ALS2: variants seen among roughly 807,000 people sequenced by gnomAD.
ALS2 encodes the protein alsin Rho guanine nucleotide exchange factor ALS2, also known as alsin.
Under a neutral mutation model 203.4 loss-of-function variants are expected in ALS2, and 117 were observed. That is an observed-to-expected ratio of 0.58 (90% CI 0.50 to 0.67). The LOEUF (loss-of-function observed/expected upper bound fraction) is 0.67. Among genes scored for constraint, ALS2 ranks in the 30% least tolerant of loss-of-function variants. The pLI, the probability that ALS2 is intolerant of heterozygous loss-of-function variation, is 0.00. For missense variants in ALS2, 1,715 were observed against 1,989.4 expected (o/e 0.86, Z 2.62); for synonymous variants, 718 against 725.9 (o/e 0.99, Z 0.17).
chr2:201,726,828 C>T lies in ALS2; in HGVS notation c.3018G>A (p.Gln1006=), dbSNP rs1574706478. The change falls in exon 18 of 34, where the codon CAG becomes CAA. Residue 1006 remains glutamine (Q), a synonymous_variant. Transcript: ENST00000264276. The stretch of plus-strand genomic sequence containing the variant: ...GGAGATCAGACATCCCTCTCAAAGC[C>T]TGATCTACGGCTTGGCTTATAGCTC... ...WLRAISQAVD[Q]ALRGMSDLPP... is the part of the protein sequence containing the mutation. The T allele has an allele frequency of 6.2e-7, 1 of 1,614,168 alleles. No homozygotes were observed. Among genetic ancestry groups the T allele is most frequent in the South Asian group, 1.1e-5 (1 of 91,088 alleles).
intron 7 of ALS2, among the ~76,000 whole-genome samples, chr2:201,752,851 G>A (rs1693149939): frequency 6.6e-6 from 1 of 152,042 alleles, no homozygotes; most frequent in Admixed American, 6.5e-5. Flanking sequence ...AAAATCTGGG[G>A]TTCTCTTTTT....
chr2:201,728,257 C>T (rs1691321618), intron 15 of ALS2, among the ~76,000 whole-genome samples: 1 of 152,148 alleles, frequency 6.6e-6, no homozygotes. Flanking sequence ...CCCCCGACCC[C>T]ACGACAGGCC....
chr2:201,729,893 A>C (rs1466451241), intron 13 of ALS2, among the ~76,000 whole-genome samples: 15 of 151,858 alleles, frequency 9.9e-5, no homozygotes, highest in South Asian at 4.2e-4. Flanking sequence ...AAAAAAAAAA[A>C]AAAAAAAAAA....
chr2:201,749,608 G>A, intron 8 of ALS2, 104 bp downstream of exon 8: 1 of 1,110,054 alleles, frequency 9.0e-7, no homozygotes, highest in Non-Finnish European at 1.4e-6. Context: ...AATTTAGGTT[G>A]TACGTATGAA....
intron 2 of ALS2, 147 bp downstream of exon 2, chr2:201,768,719 T>A (rs1694229329): frequency 1.4e-6 from 1 of 707,700 alleles, no homozygotes; most frequent in Non-Finnish European, 2.3e-6. Context: ...TAAAATTTTA[T>A]CTTTACCAAC....
Position 201,733,447 on chromosome 2 carries a change from A to C in ALS2, c.2418-9T>G. ...TTTTATTTAGGAAATCACTAGAGGC[A>C]GAGGAAAAAAAAATTTAGTTAATCA... On this transcript the variant is annotated splice_polypyrimidine_tract_variant and intron_variant, in intron 12 of 33. Transcript: ENST00000264276. 6.2e-7 allele frequency: 1 copy of C among 1,612,380 alleles called. No homozygotes were observed. Among genetic ancestry groups the C allele is most frequent in the Non-Finnish European group, 8.5e-7 (1 of 1,179,162 alleles).
intron 12 of ALS2, among the ~76,000 whole-genome samples, chr2:201,737,870 C>G (rs1344374081): frequency 6.6e-6 from 1 of 151,204 alleles, no homozygotes; most frequent in Non-Finnish European, 1.5e-5. Context: ...TGCAGTGAGC[C>G]AAGATTGCGC....
chr2:201,758,760 A>ATGTGTGTGTGTGTG lies in ALS2; in HGVS notation c.1114-1015_1114-1002dup, dbSNP rs775648737. ...ACAAATATAATGTGTGTGTGTGCGC[A>ATGTGTGTGTGTGTG]TGTGTGTGTGTGTGTGTGTGTGTGT... is the stretch of plus-strand genomic sequence containing the variant. On this transcript the variant is annotated intron_variant, in intron 4 of 33. Transcript: ENST00000264276. Among the ~76,000 whole-genome samples the ATGTGTGTGTGTGTG allele has an allele frequency of 1.9e-3, 289 of 150,724 alleles. 3 individuals carry two copies. The South Asian group carries it at 0.02, about 11-fold the overall frequency.
At position 201,705,477 on chromosome 2, in the gene ALS2, T is replaced by C. The variant is rs765259932; in HGVS notation, c.4581-16A>G. ...CCAAAATTTCCTATAATGGAATCCA[T>C]AAATTATTAATATAAGTTGTTACTT... On this transcript the variant is annotated splice_polypyrimidine_tract_variant and intron_variant, in intron 29 of 33. Transcript: ENST00000264276. The C allele has an allele frequency of 1.9e-5, 30 of 1,597,488 alleles. No homozygotes were observed. The highest frequency in any genetic ancestry group is 1.2e-4 in the South Asian group (11 of 90,640).
At chr2:201,752,525 G>C (rs1165487720) in intron 7 of ALS2, among the ~76,000 whole-genome samples, 1 of 151,884 alleles carries the variant, frequency 6.6e-6, no homozygotes, top group Admixed American at 6.6e-5. Flanking sequence ...GGCTAGCCTA[G>C]TATGTGAAAT....
At position 201,707,972 on chromosome 2, in the gene ALS2, G is replaced by A; in HGVS notation, c.4300C>T (p.Pro1434Ser). 6.2e-7 allele frequency: 1 copy of A among 1,612,860 alleles called. No homozygotes were observed. The highest frequency in any genetic ancestry group is 1.7e-5 in the Admixed American group (1 of 59,966). ...QLVRFLFPEL[P>S]EEGSTIPLSA... ...AGAGGAATTGTGCTGCCTTCTTCAG[G>A]CAGCTCAGGAAATAAGAACCTAAGG... is the stretch of plus-strand genomic sequence containing the variant. The change falls in exon 28 of 34, where the codon CCT (proline) becomes TCT (serine). Residue 1434 changes from proline to serine, a missense_variant. Pro to Ser is a moderately conservative substitution (Grantham distance 74). Around this residue, in one of 3 missense-constraint regions of ALS2, gnomAD observed 1,227 missense variants for 1,413.5 expected, o/e 0.87. Coordinates refer to ENST00000264276, the MANE Select transcript of ALS2 (RefSeq NM_020919.4).
intron 3 of ALS2, 55 bp from the exon 4 acceptor site, chr2:201,761,873 A>G: frequency 6.3e-7 from 1 of 1,576,618 alleles, no homozygotes; most frequent in South Asian, 1.1e-5. Flanking sequence ...AATTAACTAA[A>G]AATTTTAACA....
chr2:201,751,248 G>C (rs538203049), intron 7 of ALS2, among the ~76,000 whole-genome samples: 1 of 152,212 alleles, frequency 6.6e-6, no homozygotes, highest in East Asian at 1.9e-4. Flanking sequence ...CAAAGACTAT[G>C]CCATTCTGAT....
In ALS2 at chr2:201,760,985, G is replaced by T. The variant is rs752311938; in HGVS notation, c.1009C>A (p.Pro337Thr). 4.3e-6 allele frequency: 7 copies of T among 1,614,026 alleles called. No individual in the cohort carries two copies. The highest frequency in any genetic ancestry group is 5.9e-6 in the Non-Finnish European group (7 of 1,180,036). Reference sequence around the variant, plus strand: ...ACTGCTTGGGTGTCAGGGTATGATGGTATGTTTCTGGCAGAGGAAATTTCA... The same window carrying T: ...ACTGCTTGGGTGTCAGGGTATGATGTTATGTTTCTGGCAGAGGAAATTTCA... ...TTEISSARNI[P>T]SYPDTQAVNE... is the part of the protein sequence containing the mutation. The change falls in exon 4 of 34, where the codon CCA (proline) becomes ACA (threonine). Residue 337 changes from proline (P) to threonine (T), a missense_variant. Pro to Thr is a conservative substitution (Grantham distance 38). Transcript: ENST00000264276.
intron 8 of ALS2, 101 bp from the exon 9 acceptor site, chr2:201,746,849 T>G (rs888512084): frequency 1.7e-5 from 23 of 1,363,162 alleles, no homozygotes; most frequent in Non-Finnish European, 2.1e-5. Flanking sequence ...ATAAGCGTGG[T>G]GCAGTCAGTC....
At chr2:201,721,839 ATT>A (rs1416515120) in intron 23 of ALS2, among the ~76,000 whole-genome samples, 1 of 151,910 alleles carries the variant, frequency 6.6e-6, no homozygotes, top group Non-Finnish European at 1.5e-5. Flanking sequence ...AATTTTTTGT[ATT>A]TTTAGTAGAG....
intron 1 of ALS2, among the ~76,000 whole-genome samples, chr2:201,779,755 A>G (rs1694815570): frequency 6.6e-6 from 1 of 152,246 alleles, no homozygotes; most frequent in African/African-American, 2.4e-5. Flanking sequence ...AACTTGCCCA[A>G]AATCAAAGAT....
At chr2:201,749,227 A>C (rs1011559222) in intron 8 of ALS2, among the ~76,000 whole-genome samples, 1 of 152,144 alleles carries the variant, frequency 6.6e-6, no homozygotes, top group South Asian at 2.1e-4. Flanking sequence ...GTAAAAAAAA[A>C]AAAAATTCAC....
rs369859610 is a variant in ALS2, at chr2:201,728,013, A to G, written c.2842-238T>C. Among the ~76,000 whole-genome samples, 82 of 152,298 alleles carry G rather than the reference A, an allele frequency of 5.4e-4. 1 individual carries two copies. The highest frequency in any genetic ancestry group is 3.9e-3 in the East Asian group (20 of 5,180). Reference sequence around the variant, plus strand: ...GGCCCTCTTCACATGGCTGACACTCATTCTCAAGCTGGAAACTTAAGAAGT... The same window carrying G: ...GGCCCTCTTCACATGGCTGACACTCGTTCTCAAGCTGGAAACTTAAGAAGT... On this transcript the variant is annotated intron_variant, in intron 15 of 33. Transcript: ENST00000264276.
Sources: gnomAD v4.1 joint callset for allele counts (sites outside exome capture counted in the v4.1 genomes callset) on GRCh38, gnomAD v4.1.1 for gene constraint, gnomAD v4.1.1 regional missense constraint, MANE v1.5 for transcripts, NCBI Gene and HGNC (gene_info 2026-07-23, HGNC 2026-07-21) for gene names.